Variants in PDE4A observed in about 807,000 individuals in gnomAD.
PDE4A encodes the protein phosphodiesterase 4A.
PDE4A carries 21 observed loss-of-function variants against 73.9 expected under a neutral mutation model. The observed-to-expected ratio is 0.28, with a 90% CI of 0.20 to 0.41. The LOEUF is 0.41. Ranked by LOEUF, PDE4A falls within the 10% of genes least tolerant of loss-of-function variation. The pLI is 1.00. For synonymous variants in PDE4A, 463 were observed against 505.4 expected (o/e 0.92, Z 1.13); for missense variants, 958 against 1,211.4 (o/e 0.79, Z 3.10).
At position 10,453,272 on chromosome 19, in the gene PDE4A, G is replaced by A; in HGVS notation, c.784-1557G>A. On this transcript the variant is annotated intron_variant, in intron 6 of 14. Transcript: ENST00000380702. The surrounding 1 kb of genome is among the most constrained non-coding windows in gnomAD (Gnocchi z 4.6). ...CGGGCTAAGTCTCCAAGATGCCCTT[G>A]GTGGATTTCTTCTGCGAGACCTGCT... 6.2e-7 allele frequency: 1 copy of A among 1,613,250 alleles called. No homozygotes were observed. Among genetic ancestry groups the A allele is most frequent in the South Asian group, 1.1e-5 (1 of 90,952 alleles).
At position 10,450,922 on chromosome 19, in the gene PDE4A, G is replaced by A. The variant is rs1350073063; in HGVS notation, c.764G>A (p.Ser255Asn). ...LETMQTYRSV[S>N]EMASHKFKRM... is the part of the protein sequence containing the mutation. Reference sequence around the variant, plus strand: ...ACCATGCAGACCTATCGCTCTGTCAGCGAGATGGCCTCGCACAAGGTGTGC... The same window carrying A: ...ACCATGCAGACCTATCGCTCTGTCAACGAGATGGCCTCGCACAAGGTGTGC... Residue 255 changes from serine to asparagine, a missense_variant, in exon 6 of 15, where the codon AGC (serine) becomes AAC (asparagine). This residue lies in a region of PDE4A where 570 missense variants were observed against 827.7 expected (regional missense o/e 0.69). Coordinates refer to ENST00000380702, the MANE Select transcript of PDE4A (RefSeq NM_001111307.2). The A allele has an allele frequency of 6.2e-7, 1 of 1,605,232 alleles. No homozygotes were observed. The highest frequency in any genetic ancestry group is 8.5e-7 in the Non-Finnish European group (1 of 1,176,176).
chr19:10,453,123 GCTGGGCCGGCCCAGGCCCCTCCGC>G lies in PDE4A; in HGVS notation c.784-1705_784-1682del, dbSNP rs1320644071. The G allele has an allele frequency of 7.3e-7, 1 of 1,373,706 alleles. No individual in the cohort carries two copies. Among genetic ancestry groups the G allele is most frequent in the East Asian group, 2.9e-5 (1 of 34,094 alleles). The allele number at this position is 1,373,706 out of a possible 1,614,324, so 85.1% of individuals were successfully genotyped here. A position where few individuals can be genotyped will look rare whatever the true frequency, so the allele number is the denominator to read the frequency against. ...GGAGGGGAAGGGAGCCCCCAGCCCT[GCTGGGCCGGCCCAGGCCCCTCCGC>G]GGCTCCCCCTTCCACTACCCACCTG... On this transcript the variant is annotated intron_variant, in intron 6 of 14. Coordinates refer to ENST00000380702, the MANE Select transcript of PDE4A (RefSeq NM_001111307.2). The surrounding 1 kb of genome is among the most constrained non-coding windows in gnomAD (Gnocchi z 4.6).
At chr19:10,432,409 C>T (rs1257977367) in intron 1 of PDE4A, 6 of 1,385,456 alleles carry the variant, frequency 4.3e-6, no homozygotes, top group Non-Finnish European at 5.6e-6. Flanking sequence ...TCCCCATGCG[C>T]GCCCCGACGA....
At chr19:10,416,855 T>A, upstream of PDE4A, 2 of 1,533,714 alleles carry the variant, frequency 1.3e-6, no homozygotes, top group Non-Finnish European at 1.7e-6. Context: ...GGGGCACTGA[T>A]GGCAGATGCG....
At chr19:10,452,634 G>A (rs1175909348) in intron 6 of PDE4A, among the ~76,000 whole-genome samples, 3 of 151,752 alleles carry the variant, frequency 2.0e-5, no homozygotes, top group Non-Finnish European at 2.9e-5. Flanking sequence ...GTGTGTGTGT[G>A]CTGTAAGTGT....
chr19:10,438,741 G>C (rs562587157), intron 1 of PDE4A, among the ~76,000 whole-genome samples: 1 of 152,228 alleles, frequency 6.6e-6, no homozygotes, highest in East Asian at 1.9e-4. Context: ...CGAGTAGCTG[G>C]GATTACAGGC....
At chr19:10,441,287 C>T (rs954620691) in intron 1 of PDE4A, among the ~76,000 whole-genome samples, 1 of 152,126 alleles carries the variant, frequency 6.6e-6, no homozygotes, top group Non-Finnish European at 1.5e-5. Flanking sequence ...CACCACCATG[C>T]CCGGCTAATT....
At position 10,459,793 on chromosome 19, in the gene PDE4A, C is replaced by G. The variant is rs570203280; in HGVS notation, c.1365+34C>G. ...CTGCCCTGTGAGTGACCGTCCCCAT[C>G]TCTCTTTGTGACTGCCTCTTCAGCC... On this transcript the variant is annotated intron_variant, in intron 10 of 14. Coordinates refer to ENST00000380702, the MANE Select transcript of PDE4A (RefSeq NM_001111307.2). The G allele has an allele frequency of 6.1e-3, 9,568 of 1,573,300 alleles. 501 individuals carry two copies. The African/African-American group carries it at 0.12, about 19-fold the overall frequency.
intron 1 of PDE4A, chr19:10,428,861 A>G (rs513663): frequency 0.43 from 426,896 of 985,140 alleles, 96,857 homozygotes; most frequent in African/African-American, 0.78. Context: ...TGTTGGGCGC[A>G]GTGGCTCACA....
chr19:10,430,758 C>T (rs2042776530), intron 1 of PDE4A: 2 of 385,148 alleles, frequency 5.2e-6, no homozygotes, highest in Non-Finnish European at 7.1e-6. Flanking sequence ...CCCGCGGGCC[C>T]GGGGCTGGGC....
chr19:10,449,607 G>T (rs1427038376), intron 4 of PDE4A, among the ~76,000 whole-genome samples: 1 of 151,924 alleles, frequency 6.6e-6, no homozygotes, highest in African/African-American at 2.4e-5. Flanking sequence ...TGATCCACCC[G>T]CCTCAGCCTC....
chr19:10,440,132 C>G (rs1335914076), intron 1 of PDE4A, among the ~76,000 whole-genome samples: 27 of 151,616 alleles, frequency 1.8e-4, no homozygotes, highest in African/African-American at 6.5e-4. Context: ...TTATAGGCAC[C>G]CACCACCACA....
rs183883061 is a variant in PDE4A, at chr19:10,468,418, C to T, written c.*797C>T. 1 of 152,622 alleles carries T rather than the reference C, an allele frequency of 6.6e-6. No individual in the cohort carries two copies. The highest frequency in any genetic ancestry group is 6.6e-5 in the Admixed American group (1 of 15,240). The allele number at this position is 152,622 out of a possible 1,614,324, so 9.5% of individuals were successfully genotyped here. ...CCTCCTCCACTCTCCATCCCCTTTC[C>T]CTTCCACTTTGGGTTCACTTTGAAT... is the stretch of plus-strand genomic sequence containing the variant. On this transcript the variant is annotated 3_prime_UTR_variant, in exon 15 of 15. Transcript: ENST00000380702.
rs2043131023 is a variant in PDE4A, at chr19:10,453,822, T to C, written c.784-1007T>C. On this transcript the variant is annotated intron_variant, in intron 6 of 14. Coordinates refer to ENST00000380702, the MANE Select transcript of PDE4A (RefSeq NM_001111307.2). The surrounding 1 kb of genome is among the most constrained non-coding windows in gnomAD (Gnocchi z 4.6). ...GAGAGCCTGTGATTGTGTGTGTGGT[T>C]GTGTGAGATTTTGTGGGTCCATCTT... Among the ~76,000 whole-genome samples the C allele has an allele frequency of 6.6e-6, 1 of 151,986 alleles. No individual in the cohort carries two copies. The highest frequency in any genetic ancestry group is 2.1e-4 in the South Asian group (1 of 4,818).
rs200801676 is a variant in PDE4A at position 10,459,779 on chromosome 19, G to C, written c.1365+20G>C. 1.9e-6 allele frequency: 3 copies of C among 1,586,466 alleles called. No individual in the cohort carries two copies. Among genetic ancestry groups the C allele is most frequent in the African/African-American group, 2.7e-5 (2 of 74,148 alleles). ...CTAGATGTGAGTGACTGCCCTGTGA[G>C]TGACCGTCCCCATCTCTCTTTGTGA... is the stretch of plus-strand genomic sequence containing the variant. On this transcript the variant is annotated intron_variant, in intron 10 of 14. Transcript: ENST00000380702.
At chr19:10,456,585 C>T (rs1385828241) in intron 7 of PDE4A, among the ~76,000 whole-genome samples, 1 of 151,786 alleles carries the variant, frequency 6.6e-6, no homozygotes, top group African/African-American at 2.4e-5. Context: ...GGCATGGTGG[C>T]GTGTGCCTGT....
At chr19:10,420,068 A>C (rs1307450898), upstream of PDE4A, 1 of 152,356 alleles carries the variant, frequency 6.6e-6, no homozygotes, top group Non-Finnish European at 1.5e-5. The surrounding 1 kb of genome is among the most constrained non-coding windows in gnomAD (Gnocchi z 6.0). Context: ...TCCGACGCAC[A>C]GACAGGAGAT....
intron 13 of PDE4A, among the ~76,000 whole-genome samples, chr19:10,463,102 GT>G (rs34214178): frequency 3.6e-4 from 52 of 143,206 alleles, no homozygotes; most frequent in South Asian, 4.4e-4. Flanking sequence ...TCTGTTTTTG[GT>G]TTTTTTTTTT....
At chr19:10,462,105 C>A in intron 13 of PDE4A, 106 bp downstream of exon 13, 1 of 864,042 alleles carries the variant, frequency 1.2e-6, no homozygotes, top group Non-Finnish European at 1.8e-6. Context: ...CCCAAGTGGC[C>A]CATCTTCCTG....
Sources: gnomAD v4.1 joint callset for allele counts (sites outside exome capture counted in the v4.1 genomes callset) on GRCh38, gnomAD v4.1.1 for gene constraint, gnomAD v4.1.1 regional missense constraint, Gnocchi (gnomAD v3.1) non-coding constraint, MANE v1.5 for transcripts, NCBI Gene and HGNC (gene_info 2026-07-23, HGNC 2026-07-21) for gene names.